HS6ST2: variants seen among roughly 807,000 people sequenced by gnomAD.
HS6ST2 encodes heparan-sulfate 6-O-sulfotransferase 2.
A neutral mutation model predicts 33.0 loss-of-function variants in HS6ST2; 17 were observed. That is an observed-to-expected ratio of 0.52 (90% CI 0.35 to 0.77). The LOEUF is 0.77. HS6ST2 is among the 30% of genes least tolerant of loss of function. The pLI, the probability that HS6ST2 is intolerant of heterozygous loss-of-function variation, is 0.01. For synonymous variants in HS6ST2, 248 were observed against 237.1 expected (o/e 1.05, Z -0.42); for missense variants, 519 against 551.7 (o/e 0.94, Z 0.59).
chrX:132,768,395 A>G (rs1442022810), intron 2 of HS6ST2, among the ~76,000 whole-genome samples: 1 of 109,923 alleles, frequency 9.1e-6, no homozygotes, highest in African/African-American at 3.3e-5. Flanking sequence ...AGAGATGCCA[A>G]ATACTTTATC....
At chrX:132,949,373 T>C (rs915883362) in intron 2 of HS6ST2, among the ~76,000 whole-genome samples, 2 of 110,195 alleles carry the variant, frequency 1.8e-5, no homozygotes, top group Non-Finnish European at 3.8e-5. Flanking sequence ...AATTTATAAA[T>C]TAAAATTTAT....
At chrX:132,822,067 C>A (rs2065465685) in intron 2 of HS6ST2, among the ~76,000 whole-genome samples, 1 of 111,859 alleles carries the variant, frequency 8.9e-6, no homozygotes, top group Non-Finnish European at 1.9e-5. Flanking sequence ...CTCATTTAAT[C>A]TTCATAATAA....
At chrX:132,695,208 C>T (rs1007852154) in intron 3 of HS6ST2, among the ~76,000 whole-genome samples, 3 of 111,558 alleles carry the variant, frequency 2.7e-5, no homozygotes, top group Admixed American at 9.5e-5. Context: ...CACATCATGC[C>T]CACCCTAGCC....
chrX:132,900,380 G>C (rs2066416162), intron 2 of HS6ST2, among the ~76,000 whole-genome samples: 1 of 111,365 alleles, frequency 9.0e-6, no homozygotes, highest in Non-Finnish European at 1.9e-5. Flanking sequence ...TTAAATATTG[G>C]TTTCTCATTT....
chrX:132,881,586 C>T (rs1165146505), intron 2 of HS6ST2, among the ~76,000 whole-genome samples: 2 of 111,605 alleles, frequency 1.8e-5, no homozygotes, highest in Non-Finnish European at 3.8e-5. Context: ...CCTGTTCACT[C>T]TGATGGTAGT....
intron 2 of HS6ST2, among the ~76,000 whole-genome samples, chrX:132,862,765 G>A (rs531680804): frequency 8.0e-5 from 9 of 111,974 alleles, no homozygotes; most frequent in South Asian, 7.4e-4. Flanking sequence ...TAGGGTTGCC[G>A]TGACAACTAA....
intron 2 of HS6ST2, among the ~76,000 whole-genome samples, chrX:132,927,632 T>G (rs2066722544): frequency 9.0e-6 from 1 of 111,237 alleles, no homozygotes; most frequent in Non-Finnish European, 1.9e-5. Context: ...TGGACCATAC[T>G]TGCATTGCTA....
At chrX:132,765,153 G>A (rs948429648) in intron 2 of HS6ST2, among the ~76,000 whole-genome samples, 2 of 112,082 alleles carry the variant, frequency 1.8e-5, no homozygotes, top group East Asian at 5.6e-4. Context: ...TTGCAAGCCT[G>A]GAAGAGAGAG....
chrX:132,746,298 C>T (rs985499950), intron 2 of HS6ST2, among the ~76,000 whole-genome samples: 3 of 110,677 alleles, frequency 2.7e-5, no homozygotes, highest in African/African-American at 9.9e-5. Flanking sequence ...GTCAGGAGAT[C>T]GAGACCATCC....
At chrX:132,828,402 G>A in intron 2 of HS6ST2, among the ~76,000 whole-genome samples, 1 of 109,974 alleles carries the variant, frequency 9.1e-6, no homozygotes, top group Admixed American at 9.8e-5. Flanking sequence ...CTCAATACAG[G>A]CAACTGGACA....
Position 132,793,414 on chromosome X carries a change from C to T in HS6ST2, c.948-84920G>A, listed in dbSNP as rs181334722. Among the ~76,000 whole-genome samples, 3 of 110,802 alleles carry T rather than the reference C, an allele frequency of 2.7e-5. No individual in the cohort carries two copies. In the East Asian group the frequency reaches 8.6e-4, roughly 32 times the overall value. On this transcript the variant is annotated intron_variant, in intron 2 of 4. Coordinates refer to ENST00000370833, the MANE Select transcript of HS6ST2 (RefSeq NM_001394073.1). ...TGTGCTAGATGCTGGGCTTGTGGAC[C>T]AGAATGGAATATGTCCCTGATTTCA... is the stretch of plus-strand genomic sequence containing the variant.
chrX:132,937,671 GC>G (rs1214234725), intron 2 of HS6ST2, among the ~76,000 whole-genome samples: 1 of 111,272 alleles, frequency 9.0e-6, no homozygotes, highest in African/African-American at 3.3e-5. Context: ...TGGACCCTTA[GC>G]CCTCATCATG....
intron 2 of HS6ST2, among the ~76,000 whole-genome samples, chrX:132,818,679 C>T (rs1461133044): frequency 8.9e-6 from 1 of 112,072 alleles, no homozygotes; most frequent in Non-Finnish European, 1.9e-5. Context: ...AGGTTGGTGT[C>T]CACTGACTTT....
chrX:132,895,540 A>G (rs60086878), intron 2 of HS6ST2, among the ~76,000 whole-genome samples: 9,958 of 111,115 alleles, frequency 0.09, 1,071 homozygotes, highest in African/African-American at 0.31. Flanking sequence ...GTGTATATAT[A>G]AAATGTATAT....
chrX:132,912,517 AG>A (rs1202591665), intron 2 of HS6ST2, among the ~76,000 whole-genome samples: 1 of 113,007 alleles, frequency 8.8e-6, no homozygotes, highest in Non-Finnish European at 1.9e-5. Flanking sequence ...CAAAGGAGTC[AG>A]GGTCATCTGT....
rs1189312541 is a variant in HS6ST2, at chrX:132,773,027, TTA to T, written c.948-64535_948-64534del. ...TATGTAAAGATATAAAAATAATAGA[TTA>T]TATATATGTTTATATATTATAATGT... On this transcript the variant is annotated intron_variant, in intron 2 of 4. Transcript: ENST00000370833. Among the ~76,000 whole-genome samples the T allele has an allele frequency of 1.7e-4, 16 of 92,373 alleles. No individual in the cohort carries two copies. In the East Asian group the frequency reaches 2.2e-3, roughly 13 times the overall value. The allele number at this position is 92,373 out of a possible 115,157, so 80.2% of individuals were successfully genotyped here.
chrX:132,846,306 C>A (rs1047685813), intron 2 of HS6ST2, among the ~76,000 whole-genome samples: 1 of 112,279 alleles, frequency 8.9e-6, no homozygotes, highest in Non-Finnish European at 1.9e-5. Context: ...GGTAATTTCA[C>A]TCCAGTGAAA....
chrX:132,850,898 A>G (rs2065795496), intron 2 of HS6ST2, among the ~76,000 whole-genome samples: 1 of 111,806 alleles, frequency 8.9e-6, no homozygotes, highest in African/African-American at 3.3e-5. Context: ...ACATCAGTTT[A>G]CCTTTCCCTT....
chrX:132,675,486 T>C (rs2063917825), intron 3 of HS6ST2, among the ~76,000 whole-genome samples: 1 of 111,759 alleles, frequency 8.9e-6, no homozygotes, highest in South Asian at 3.8e-4. Context: ...TGAGGGAAAG[T>C]GAAGGCCTCG....
Sources: allele counts gnomAD v4.1 joint callset (sites outside exome capture counted in the v4.1 genomes callset), GRCh38; gene constraint gnomAD v4.1.1; transcripts MANE v1.5; gene names NCBI Gene and HGNC (gene_info 2026-07-23, HGNC 2026-07-21).